The following NCAM2 variants were observed in gnomAD, a reference collection of about 807,000 sequenced individuals.
NCAM2 encodes neural cell adhesion molecule 2, also known as N-CAM-2.
NCAM2 carries 30 observed loss-of-function variants against 98.1 expected under a neutral mutation model. The observed-to-expected ratio is 0.31, with a 90% CI of 0.23 to 0.41. The LOEUF (loss-of-function observed/expected upper bound fraction) is 0.41. Ranked by LOEUF, NCAM2 falls within the 10% of genes least tolerant of loss-of-function variation. The pLI is 1.00. For synonymous variants in NCAM2, 368 were observed against 342.4 expected, an observed-to-expected ratio of 1.07 and a Z score of -0.83; for missense variants, 867 against 1,005.8, an observed-to-expected ratio of 0.86 and a Z score of 1.87.
intron 1 of NCAM2, among the ~76,000 whole-genome samples, chr21:21,145,713 A>T (rs117116478): frequency 0.012 from 1,888 of 152,322 alleles, 21 homozygotes; most frequent in Middle Eastern, 0.065. Flanking sequence ...TAAATTAAAG[A>T]TGTATTCAGA....
chr21:21,466,052 C>T (rs1787394725), intron 12 of NCAM2, among the ~76,000 whole-genome samples: 1 of 151,962 alleles, frequency 6.6e-6, no homozygotes, highest in Non-Finnish European at 1.5e-5. Context: ...AGTGAAAATA[C>T]AAGTTATGAG....
At chr21:21,088,443 A>T (rs1406487029) in intron 1 of NCAM2, among the ~76,000 whole-genome samples, 1 of 152,156 alleles carries the variant, frequency 6.6e-6, no homozygotes, top group African/African-American at 2.4e-5. Flanking sequence ...CTGGGTTGGG[A>T]TTCATTACAT....
chr21:21,487,604 A>G (rs759703726), intron 15 of NCAM2, among the ~76,000 whole-genome samples: 6 of 152,140 alleles, frequency 3.9e-5, no homozygotes, highest in Admixed American at 2.6e-4. Context: ...TGATTTACTT[A>G]TGCATGATTG....
intron 1 of NCAM2, among the ~76,000 whole-genome samples, chr21:21,272,217 A>C (rs2072528928): frequency 6.6e-6 from 1 of 152,194 alleles, no homozygotes; most frequent in Non-Finnish European, 1.5e-5. Flanking sequence ...TGCTGATCAC[A>C]TTTTAATGTG....
At chr21:21,091,934 A>T (rs555462044) in intron 1 of NCAM2, among the ~76,000 whole-genome samples, 1 of 152,140 alleles carries the variant, frequency 6.6e-6, no homozygotes. Context: ...TTTGTACTCT[A>T]CATTAAGTAG....
intron 11 of NCAM2, among the ~76,000 whole-genome samples, chr21:21,424,440 G>A (rs2077172779): frequency 6.6e-6 from 1 of 152,128 alleles, no homozygotes; most frequent in Non-Finnish European, 1.5e-5. Flanking sequence ...GTGAATCAAA[G>A]GTTTGGGAGA....
chr21:21,531,289 A>G (rs1989680454), intron 16 of NCAM2, among the ~76,000 whole-genome samples: 1 of 152,106 alleles, frequency 6.6e-6, no homozygotes, highest in Admixed American at 6.6e-5. Flanking sequence ...CAGTGTTGAC[A>G]TTTTCATTTT....
chr21:21,195,094 G>A (rs1765069371), intron 1 of NCAM2, among the ~76,000 whole-genome samples: 1 of 152,170 alleles, frequency 6.6e-6, no homozygotes. Flanking sequence ...ATTAGGGAAT[G>A]AGTGTTACAG....
intron 5 of NCAM2, among the ~76,000 whole-genome samples, chr21:21,293,526 T>G (rs1323500626): frequency 2.0e-5 from 3 of 151,862 alleles, no homozygotes; most frequent in Non-Finnish European, 2.9e-5. Context: ...GGAGATCTAG[T>G]ATTTTTCAAT....
intron 8 of NCAM2, among the ~76,000 whole-genome samples, chr21:21,370,327 G>T (rs1228731969): frequency 2.6e-5 from 4 of 151,618 alleles, no homozygotes; most frequent in African/African-American, 7.3e-5. Context: ...AAAAGTAAAC[G>T]TGCTAATTTA....
chr21:21,004,573 A>G (rs2064078132), intron 1 of NCAM2, among the ~76,000 whole-genome samples: 1 of 152,234 alleles, frequency 6.6e-6, no homozygotes, highest in Non-Finnish European at 1.5e-5. Context: ...TATAAATTTA[A>G]AAAGCCAAAT....
chr21:21,073,715 A>T (rs1380547080), intron 1 of NCAM2, among the ~76,000 whole-genome samples: 1 of 152,090 alleles, frequency 6.6e-6, no homozygotes, highest in Non-Finnish European at 1.5e-5. Context: ...TATGAAGCCC[A>T]CTCCATACAA....
At chr21:21,161,882 C>CA (rs1423172109) in intron 1 of NCAM2, among the ~76,000 whole-genome samples, 1 of 151,784 alleles carries the variant, frequency 6.6e-6, no homozygotes, top group African/African-American at 2.4e-5. Context: ...TCTATGAGGA[C>CA]AAGAAGTAGG....
intron 10 of NCAM2, among the ~76,000 whole-genome samples, chr21:21,411,094 A>G (rs13051740): frequency 6.3e-5 from 5 of 79,134 alleles, no homozygotes; most frequent in Non-Finnish European, 8.2e-5. Flanking sequence ...ATATGTGTGT[A>G]TATATATACA....
At chr21:21,259,253 G>T (rs73318634) in intron 1 of NCAM2, among the ~76,000 whole-genome samples, 2,647 of 152,300 alleles carry the variant, frequency 0.017, 80 homozygotes, top group African/African-American at 0.061. Context: ...TCTGGACTGA[G>T]AGAAGAGTCT....
At chr21:21,257,105 G>A (rs543186978) in intron 1 of NCAM2, among the ~76,000 whole-genome samples, 2 of 152,282 alleles carry the variant, frequency 1.3e-5, no homozygotes, top group African/African-American at 4.8e-5. Context: ...GAATGTAGGA[G>A]GAGATCTTTG....
At chr21:21,108,565 T>G (rs1472808423) in intron 1 of NCAM2, among the ~76,000 whole-genome samples, 2 of 152,276 alleles carry the variant, frequency 1.3e-5, no homozygotes, top group Non-Finnish European at 2.9e-5. Flanking sequence ...GAATTGAATT[T>G]ATCAAATTGT....
chr21:21,436,262 T>C (rs1468337549), intron 12 of NCAM2, among the ~76,000 whole-genome samples: 1 of 152,212 alleles, frequency 6.6e-6, no homozygotes, highest in Non-Finnish European at 1.5e-5. Context: ...TTTCAATGAG[T>C]CACTATGTCC....
At chr21:21,425,484 G>A (rs2077197594) in intron 11 of NCAM2, among the ~76,000 whole-genome samples, 1 of 152,082 alleles carries the variant, frequency 6.6e-6, no homozygotes, top group African/African-American at 2.4e-5. Context: ...GTGTCCGTGA[G>A]TTGTGAGAAG....
Sources: gnomAD v4.1 joint callset for allele counts (sites outside exome capture counted in the v4.1 genomes callset) on GRCh38, gnomAD v4.1.1 for gene constraint, MANE v1.5 for transcripts, NCBI Gene and HGNC (gene_info 2026-07-23, HGNC 2026-07-21) for gene names.